MALRD1: variants seen among roughly 807,000 people sequenced by gnomAD.
The protein encoded by MALRD1 is MAM and LDL receptor class A domain containing 1, also known as MAM and LDL-receptor class A domain-containing protein 1.
MALRD1 carries 247 observed loss-of-function variants against 242.1 expected under a neutral mutation model. That is an observed-to-expected ratio of 1.02 (90% CI 0.92 to 1.13). MALRD1 has a LOEUF of 1.13. Among genes scored for constraint, MALRD1 ranks in the 50% most tolerant of loss-of-function variants. The pLI is 0.00. For missense variants in MALRD1, 2,989 were observed against 2,533.1 expected (o/e 1.18, Z -3.86); for synonymous variants, 995 against 866.6 (o/e 1.15, Z -2.60).
At chr10:19,306,314 TATATA>T (rs1197567341) in intron 21 of MALRD1, among the ~76,000 whole-genome samples, 5 of 139,746 alleles carry the variant, frequency 3.6e-5, no homozygotes, top group Non-Finnish European at 4.6e-5. Flanking sequence ...ATATATACCG[TATATA>T]GTATATATAG....
intron 38 of MALRD1, among the ~76,000 whole-genome samples, chr10:19,695,676 T>A (rs1284277075): frequency 2.0e-5 from 3 of 152,042 alleles, no homozygotes; most frequent in Admixed American, 6.6e-5. Flanking sequence ...CCTGCCACCA[T>A]GCCCGGCTAA....
At chr10:19,224,754 G>A (rs1003467046) in intron 18 of MALRD1, among the ~76,000 whole-genome samples, 3 of 152,092 alleles carry the variant, frequency 2.0e-5, no homozygotes, top group Admixed American at 6.6e-5. Flanking sequence ...TAGATGGATA[G>A]ATTGCAAAAA....
Position 19,491,665 on chromosome 10 carries a change from G to A in MALRD1, c.5158+20G>A, listed in dbSNP as rs1837500987. On this transcript the variant is annotated intron_variant, in intron 30 of 39. Coordinates refer to ENST00000454679, the MANE Select transcript of MALRD1 (RefSeq NM_001142308.3). ...ACTGTGGTAAGTTTATCTATCTGCT[G>A]TATGGCAGCCAGTTCAGCAGATATT... 1 of 1,544,804 alleles carries A rather than the reference G, an allele frequency of 6.5e-7. No individual in the cohort carries two copies.
chr10:19,193,456 G>T lies in MALRD1; in HGVS notation c.1952-10272G>T, dbSNP rs147744625. Among the ~76,000 whole-genome samples the T allele has an allele frequency of 2.1e-3, 324 of 152,246 alleles. 2 individuals carry two copies. The highest frequency in any genetic ancestry group is 7.3e-3 in the African/African-American group (304 of 41,538). ...CTGTAGTCCCAGCTACTCAGAGGCT[G>T]AGATGAAAGGATCTCTTGAGCCTGG... On this transcript the variant is annotated intron_variant, in intron 14 of 39. Coordinates refer to ENST00000454679, the MANE Select transcript of MALRD1 (RefSeq NM_001142308.3).
At chr10:19,254,303 T>G (rs567987816) in intron 18 of MALRD1, among the ~76,000 whole-genome samples, 1 of 152,160 alleles carries the variant, frequency 6.6e-6, no homozygotes, top group African/African-American at 2.4e-5. Flanking sequence ...TTTTTGTTGC[T>G]GAGTGGTATT....
chr10:19,357,675 G>A (rs778423090), intron 26 of MALRD1, among the ~76,000 whole-genome samples: 2 of 151,972 alleles, frequency 1.3e-5, no homozygotes, highest in Non-Finnish European at 2.9e-5. Flanking sequence ...TCTCATTACT[G>A]CAAAAACACT....
intron 26 of MALRD1, among the ~76,000 whole-genome samples, chr10:19,366,455 C>T (rs1198633201): frequency 6.6e-6 from 1 of 152,088 alleles, no homozygotes; most frequent in Non-Finnish European, 1.5e-5. Flanking sequence ...GCCCGCTGCT[C>T]ACCTCCTGCT....
At chr10:19,651,971 A>G (rs1840914901) in intron 36 of MALRD1, among the ~76,000 whole-genome samples, 1 of 152,254 alleles carries the variant, frequency 6.6e-6, no homozygotes, top group Non-Finnish European at 1.5e-5. Flanking sequence ...AATTGATGCC[A>G]CAGAGCTGAT....
At chr10:19,675,649 G>A (rs1842107226) in intron 36 of MALRD1, among the ~76,000 whole-genome samples, 1 of 152,172 alleles carries the variant, frequency 6.6e-6, no homozygotes, top group African/African-American at 2.4e-5. Context: ...TATTAAATGA[G>A]ATAATATATG....
intron 39 of MALRD1, 133 bp from the exon 40 acceptor site, chr10:19,734,024 A>G (rs1352653120): frequency 4.7e-6 from 3 of 639,140 alleles, no homozygotes; most frequent in Admixed American, 3.0e-5. Flanking sequence ...CTGGAAGAAG[A>G]GTCAGGGATG....
chr10:19,509,897 T>C (rs959168976), intron 31 of MALRD1, among the ~76,000 whole-genome samples: 7 of 151,936 alleles, frequency 4.6e-5, no homozygotes, highest in Non-Finnish European at 8.8e-5. Flanking sequence ...AGAGACAAAG[T>C]ATAGAGAAAG....
chr10:19,621,553 A>C (rs574808363), intron 36 of MALRD1, among the ~76,000 whole-genome samples: 116 of 151,856 alleles, frequency 7.6e-4, no homozygotes, highest in African/African-American at 2.7e-3. Flanking sequence ...GAAATGAGAT[A>C]AAATAAGGAG....
chr10:19,505,290 G>T (rs1033367190), intron 31 of MALRD1, among the ~76,000 whole-genome samples: 2 of 152,170 alleles, frequency 1.3e-5, no homozygotes, highest in African/African-American at 2.4e-5. Flanking sequence ...AGAATTCCTA[G>T]GTTGAAGTGC....
At chr10:19,237,513 CATATAT>C (rs34727263) in intron 18 of MALRD1, among the ~76,000 whole-genome samples, 11 of 113,692 alleles carry the variant, frequency 9.7e-5, no homozygotes, top group Non-Finnish European at 1.6e-4. Context: ...TGTGTGTGTC[CATATAT>C]ATATATATAT....
rs540350529 is a variant in MALRD1, at chr10:19,386,369, A to C, written c.4442-1159A>C. ...GGGGCTACCACCTTTGAAGTAAAGC[A>C]AGGAGTGATGTTATCAGCTCCTCTA... On this transcript the variant is annotated intron_variant, in intron 26 of 39. Coordinates refer to ENST00000454679, the MANE Select transcript of MALRD1 (RefSeq NM_001142308.3). 8.5e-5 allele frequency among the ~76,000 whole-genome samples: 13 copies of C among 152,094 alleles called. No individual in the cohort carries two copies. In the East Asian group the frequency reaches 1.6e-3, roughly 18 times the overall value.
At chr10:19,282,984 C>G in intron 20 of MALRD1, 35 bp from the exon 21 acceptor site, 8 of 1,456,508 alleles carry the variant, frequency 5.5e-6, no homozygotes, top group Non-Finnish European at 7.3e-6. Context: ...CTGCCACTTA[C>G]TAGCTCACCT....
At chr10:19,616,033 A>G (rs2131611289) in intron 36 of MALRD1, 110 bp downstream of exon 36, 1 of 713,538 alleles carries the variant, frequency 1.4e-6, no homozygotes, top group East Asian at 2.7e-5. Flanking sequence ...TAGTAAGGTA[A>G]AAATAGTGGA....
chr10:19,494,382 G>C (rs1403769804), intron 30 of MALRD1, among the ~76,000 whole-genome samples: 3 of 152,178 alleles, frequency 2.0e-5, no homozygotes, highest in Non-Finnish European at 4.4e-5. Context: ...AGTGTCTTCT[G>C]TTCTCCAAAG....
intron 36 of MALRD1, among the ~76,000 whole-genome samples, chr10:19,690,822 T>C (rs181563012): frequency 5.3e-5 from 8 of 152,066 alleles, no homozygotes; most frequent in Admixed American, 5.2e-4. Flanking sequence ...GGTAGGTAGA[T>C]AGATAGACAG....
Sources: allele counts gnomAD v4.1 joint callset (sites outside exome capture counted in the v4.1 genomes callset), GRCh38; gene constraint gnomAD v4.1.1; transcripts MANE v1.5; gene names NCBI Gene and HGNC (gene_info 2026-07-23, HGNC 2026-07-21).